The following IQSEC1 variants were observed in gnomAD, a reference collection of about 807,000 sequenced individuals.
IQSEC1 encodes IQ motif and Sec7 domain ArfGEF 1, also known as IQ motif and SEC7 domain-containing protein 1.
A neutral mutation model predicts 91.0 loss-of-function variants in IQSEC1; 31 were observed. The observed-to-expected ratio is 0.34, with a 90% CI of 0.26 to 0.46. The LOEUF (loss-of-function observed/expected upper bound fraction) is 0.46. Among genes scored for constraint, IQSEC1 ranks in the 20% least tolerant of loss-of-function variants. The pLI, the probability that IQSEC1 is intolerant of heterozygous loss-of-function variation, is 1.00. For synonymous variants in IQSEC1, 699 were observed against 662.6 expected (o/e 1.05, Z -0.84); for missense variants, 1,388 against 1,575.6 (o/e 0.88, Z 2.02).
At chr3:12,987,188 G>A (rs1701780952) in intron 1 of IQSEC1, among the ~76,000 whole-genome samples, 1 of 152,256 alleles carries the variant, frequency 6.6e-6, no homozygotes, top group African/African-American at 2.4e-5. Context: ...CCACAGACCT[G>A]TTTGGCAGGA....
intron 1 of IQSEC1, among the ~76,000 whole-genome samples, chr3:13,071,153 G>GTTTTTT (rs796412810): frequency 4.7e-4 from 43 of 90,950 alleles, no homozygotes; most frequent in Non-Finnish European, 8.0e-4. Flanking sequence ...GTTTTTTTTT[G>GTTTTTT]TTTTTTTTTT....
intron 1 of IQSEC1, among the ~76,000 whole-genome samples, chr3:13,242,019 A>T (rs1357489804): frequency 3.3e-5 from 5 of 152,202 alleles, no homozygotes; most frequent in Non-Finnish European, 5.9e-5. Flanking sequence ...ACGTATATAC[A>T]TACACACATG....
chr3:12,963,837 C>G (rs1700390893), intron 1 of IQSEC1, among the ~76,000 whole-genome samples: 1 of 152,210 alleles, frequency 6.6e-6, no homozygotes, highest in Admixed American at 6.5e-5. Flanking sequence ...TAAAGGAACA[C>G]AGGAAAGTGA....
intron 1 of IQSEC1, among the ~76,000 whole-genome samples, chr3:13,006,009 G>C (rs990385019): frequency 7.2e-5 from 11 of 152,220 alleles, no homozygotes; most frequent in Non-Finnish European, 1.5e-4. Flanking sequence ...TTTTATGATA[G>C]TAACTTTTTG....
At chr3:13,281,902 C>G (rs1254995956) in intron 1 of IQSEC1, among the ~76,000 whole-genome samples, 2 of 152,184 alleles carry the variant, frequency 1.3e-5, no homozygotes, top group African/African-American at 4.8e-5. Context: ...CCAGAGACAC[C>G]GAAGCCTCCC....
chr3:13,241,557 A>G (rs929148193), intron 1 of IQSEC1, among the ~76,000 whole-genome samples: 1 of 152,230 alleles, frequency 6.6e-6, no homozygotes. Context: ...TTCCAGGCCA[A>G]TGAGTGCTTG....
chr3:13,234,512 A>C (rs1455950486), intron 1 of IQSEC1, among the ~76,000 whole-genome samples: 2 of 152,132 alleles, frequency 1.3e-5, no homozygotes, highest in African/African-American at 4.8e-5. Flanking sequence ...GAAACACCTG[A>C]ATTTCTTCTA....
In IQSEC1 at chr3:12,922,840, G is replaced by A. The variant is rs1238121607; in HGVS notation, c.1731-598C>T. ...CACATTCTTCCCATGGCCCTGCCCC[G>A]GCACACCCTTCCAGTCCCTCCTATG... On this transcript the variant is annotated intron_variant, in intron 4 of 13. Coordinates refer to ENST00000613206, the MANE Select transcript of IQSEC1 (RefSeq NM_001134382.3). This position sits in a 1 kb window ranked among gnomAD's most constrained non-coding sequence, Gnocchi z 5.1. Among the ~76,000 whole-genome samples the A allele has an allele frequency of 2.0e-5, 3 of 152,114 alleles. No individual in the cohort carries two copies. Among genetic ancestry groups the A allele is most frequent in the African/African-American group, 7.2e-5 (3 of 41,416 alleles).
Position 12,935,941 on chromosome 3 carries a change from G to T in IQSEC1, c.1075C>A (p.Arg359=), listed in dbSNP as rs762444448. ...PSLERQEQRL[R]VEHLPLLTIE... ...GTGAGCAGCGGCAGATGCTCCACCC[G>T]CAGCCGCTGCTCCTGCCGCTCCAGC... Residue 359 remains arginine (R), a synonymous_variant, in exon 3 of 14, where the codon CGG becomes AGG. Coordinates refer to ENST00000613206, the MANE Select transcript of IQSEC1 (RefSeq NM_001134382.3). The surrounding 1 kb of genome is among the most constrained non-coding windows in gnomAD (Gnocchi z 8.0). 4 of 1,598,248 alleles carry T rather than the reference G, an allele frequency of 2.5e-6. No individual in the cohort carries two copies. Among genetic ancestry groups the T allele is most frequent in the Non-Finnish European group, 3.4e-6 (4 of 1,179,340 alleles).
At chr3:13,095,112 C>T (rs556768975) in intron 2 of IQSEC1, among the ~76,000 whole-genome samples, 1 of 152,080 alleles carries the variant, frequency 6.6e-6, no homozygotes, top group East Asian at 1.9e-4. Context: ...CACAAGTCAA[C>T]CAGCCCAAGA....
chr3:13,128,139 A>G (rs536928094), intron 2 of IQSEC1, among the ~76,000 whole-genome samples: 66 of 152,290 alleles, frequency 4.3e-4, no homozygotes, highest in African/African-American at 1.5e-3. Flanking sequence ...CTTCCTTTCC[A>G]ATCTGTATGA....
At chr3:13,161,288 G>T (rs1318136401) in intron 2 of IQSEC1, among the ~76,000 whole-genome samples, 1 of 152,166 alleles carries the variant, frequency 6.6e-6, no homozygotes, top group Non-Finnish European at 1.5e-5. Flanking sequence ...CAGCCCAGGG[G>T]GAGTGCGGGA....
intron 2 of IQSEC1, among the ~76,000 whole-genome samples, chr3:13,116,951 G>A (rs550520164): frequency 6.6e-6 from 1 of 152,114 alleles, no homozygotes; most frequent in South Asian, 2.1e-4. Flanking sequence ...TGGCACCACA[G>A]GCATAGGCGA....
In IQSEC1 at chr3:13,207,939, C is replaced by G. The variant is rs559449373; in HGVS notation, c.273-43806G>C. ...AGAGCACAGCTTTGTCACTACAGAACCCCCAGCATGGCACATAGCAGTTGC... is the reference window on the plus strand; with the variant it reads ...AGAGCACAGCTTTGTCACTACAGAAGCCCCAGCATGGCACATAGCAGTTGC... On this transcript the variant is annotated intron_variant, in intron 1 of 15. Transcript: ENST00000648114. This position sits in a 1 kb window ranked among gnomAD's most constrained non-coding sequence, Gnocchi z 4.8. 6.6e-6 allele frequency among the ~76,000 whole-genome samples: 1 copy of G among 152,148 alleles called. No individual in the cohort carries two copies. The highest frequency in any genetic ancestry group is 1.5e-5 in the Non-Finnish European group (1 of 68,020).
chr3:12,936,210 G>C lies in IQSEC1; in HGVS notation c.806C>G (p.Thr269Arg), dbSNP rs143647610. The C allele has an allele frequency of 3.1e-6, 5 of 1,613,076 alleles. No individual in the cohort carries two copies. Among genetic ancestry groups the C allele is most frequent in the Non-Finnish European group, 4.2e-6 (5 of 1,179,986 alleles). ...GCGGTGGTCCATGCCGTGCAGGGCT[G>C]TCTGGGGTTCGGTGTCCCGGGCCCG... ...AARARDTEPQ[T>R]ALHGMDHRKL... The change falls in exon 3 of 14, where the codon ACA (threonine) becomes AGA (arginine). Residue 269 changes from threonine (T) to arginine (R), a missense_variant. Coordinates refer to ENST00000613206, the MANE Select transcript of IQSEC1 (RefSeq NM_001134382.3).
intron 1 of IQSEC1, among the ~76,000 whole-genome samples, chr3:13,219,799 T>C (rs1694622670): frequency 6.6e-6 from 1 of 152,060 alleles, no homozygotes; most frequent in African/African-American, 2.4e-5. Context: ...AGCTGGGGGG[T>C]GGCACATCTT....
intron 1 of IQSEC1, among the ~76,000 whole-genome samples, chr3:12,975,985 C>T (rs1230277064): frequency 5.9e-5 from 9 of 152,260 alleles, no homozygotes; most frequent in African/African-American, 1.2e-4. Context: ...GCTCGGCTCC[C>T]TTCTTGGCTG....
intron 1 of IQSEC1, among the ~76,000 whole-genome samples, chr3:13,194,530 G>A (rs1334959852): frequency 6.6e-6 from 1 of 152,166 alleles, no homozygotes; most frequent in African/African-American, 2.4e-5. Context: ...TTCCTGTCAA[G>A]GCGCCCCAAC....
At chr3:13,126,199 C>T (rs1011972607) in intron 2 of IQSEC1, among the ~76,000 whole-genome samples, 3 of 152,138 alleles carry the variant, frequency 2.0e-5, no homozygotes, top group African/African-American at 7.2e-5. Flanking sequence ...TCTCTCATGC[C>T]TCTTTGTAAT....
Sources: allele counts gnomAD v4.1 joint callset (sites outside exome capture counted in the v4.1 genomes callset), GRCh38; gene constraint gnomAD v4.1.1; non-coding constraint Gnocchi (gnomAD v3.1); transcripts MANE v1.5; gene names NCBI Gene and HGNC (gene_info 2026-07-23, HGNC 2026-07-21).